The following ZEB1 variants were observed in gnomAD, a reference collection of about 807,000 sequenced individuals.
ZEB1 encodes the protein zinc finger E-box binding homeobox 1.
Under a neutral mutation model 84.9 loss-of-function variants are expected in ZEB1, and 21 were observed. The ratio of observed to expected loss-of-function variants is 0.25; its 90% CI spans 0.18 to 0.36. The LOEUF (loss-of-function observed/expected upper bound fraction) is 0.36, where lower values mean the gene tolerates loss of function less well. Ranked by LOEUF, ZEB1 falls within the 10% of genes least tolerant of loss-of-function variation. ZEB1 has a pLI of 1.00. For synonymous variants in ZEB1, 420 were observed against 471.1 expected (o/e 0.89, Z 1.41); for missense variants, 1,104 against 1,330.2 (o/e 0.83, Z 2.65).
At chr10:31,511,430 C>G (rs1244956941) in intron 5 of ZEB1, among the ~76,000 whole-genome samples, 1 of 151,980 alleles carries the variant, frequency 6.6e-6, no homozygotes, top group Non-Finnish European at 1.5e-5. Context: ...TATTCTACTT[C>G]TGTGTCACTG....
chr10:31,509,465 A>G lies in ZEB1; in HGVS notation c.485-1208A>G, dbSNP rs968984633. ...GTTGAATTCCAGTGTTCTCTCTTAG[A>G]TGATCTATGTGAAGTGTGATTATTA... On this transcript the variant is annotated intron_variant, in intron 4 of 8. Coordinates refer to ENST00000424869, the MANE Select transcript of ZEB1 (RefSeq NM_001174096.2). Among the ~76,000 whole-genome samples, 3 of 152,100 alleles carry G rather than the reference A, an allele frequency of 2.0e-5. No homozygotes were observed. The East Asian group carries it at 5.8e-4, about 29-fold the overall frequency.
rs189056094 is a variant in ZEB1, at chr10:31,388,587, G to A, written c.58+69295G>A. 3.0e-4 allele frequency among the ~76,000 whole-genome samples: 45 copies of A among 152,168 alleles called. 1 individual carries two copies. The highest frequency in any genetic ancestry group is 2.3e-3 in the Admixed American group (35 of 15,270). Reference sequence around the variant, plus strand: ...TTACTTTTTTTGTATGTAAATGGTCGAGGAGTTAGAACTAGTCTTGGTTAT... The same window carrying A: ...TTACTTTTTTTGTATGTAAATGGTCAAGGAGTTAGAACTAGTCTTGGTTAT... On this transcript the variant is annotated intron_variant, in intron 1 of 8. Transcript: ENST00000424869.
intron 1 of ZEB1, among the ~76,000 whole-genome samples, chr10:31,442,566 A>G (rs2059157609): frequency 7.1e-6 from 1 of 141,612 alleles, no homozygotes; most frequent in African/African-American, 3.1e-5. Flanking sequence ...AATAATAATA[A>G]TAAAAAAAAA....
chr10:31,477,999 A>G (rs1591701814), intron 2 of ZEB1, among the ~76,000 whole-genome samples: 1 of 152,178 alleles, frequency 6.6e-6, no homozygotes, highest in East Asian at 1.9e-4. Context: ...AACAAGAACA[A>G]AAGTACACAG....
At chr10:31,367,759 A>G (rs1425850341) in intron 1 of ZEB1, among the ~76,000 whole-genome samples, 7 of 152,170 alleles carry the variant, frequency 4.6e-5, no homozygotes, top group African/African-American at 9.7e-5. Flanking sequence ...TGAAGTATCA[A>G]TATGCTGACT....
At chr10:31,399,561 C>G (rs1214169045) in intron 1 of ZEB1, among the ~76,000 whole-genome samples, 1 of 152,162 alleles carries the variant, frequency 6.6e-6, no homozygotes, top group Non-Finnish European at 1.5e-5. Flanking sequence ...CAACCCTGAT[C>G]CAAATCACCT....
At position 31,528,652 on chromosome 10, in the gene ZEB1, A is replaced by G. The variant is rs903013536; in HGVS notation, c.*1388A>G. The stretch of plus-strand genomic sequence containing the variant: ...TTTTATATTTATGTGTCTTATTTTT[A>G]TATTTCTTTATTTATTACACAGTGT... On this transcript the variant is annotated 3_prime_UTR_variant, in exon 9 of 9. Coordinates refer to ENST00000424869, the MANE Select transcript of ZEB1 (RefSeq NM_001174096.2). 5 of 152,084 alleles carry G rather than the reference A, an allele frequency of 3.3e-5. No individual in the cohort carries two copies. The highest frequency in any genetic ancestry group is 7.4e-5 in the Non-Finnish European group (5 of 67,994). The allele number at this position is 152,084 out of a possible 1,614,324, so 9.4% of individuals were successfully genotyped here. A position where few individuals can be genotyped will look rare whatever the true frequency, so the allele number is the denominator to read the frequency against.
At chr10:31,484,312 T>TA (rs978841451) in intron 2 of ZEB1, among the ~76,000 whole-genome samples, 23 of 151,746 alleles carry the variant, frequency 1.5e-4, no homozygotes, top group African/African-American at 3.1e-4. Flanking sequence ...GACCACAATG[T>TA]AAAAAAAATC....
chr10:31,372,865 G>T (rs2045958298), intron 1 of ZEB1, among the ~76,000 whole-genome samples: 1 of 151,902 alleles, frequency 6.6e-6, no homozygotes, highest in East Asian at 1.9e-4. Context: ...AGAATTTTAT[G>T]GGATTCTTTT....
At chr10:31,387,163 G>A (rs1590701058) in intron 1 of ZEB1, 1 of 985,726 alleles carries the variant, frequency 1.0e-6, no homozygotes, top group Non-Finnish European at 1.2e-6. Flanking sequence ...ATATAAAGAG[G>A]TCCCTCCTGC....
At chr10:31,400,287 T>C (rs967744596) in intron 1 of ZEB1, among the ~76,000 whole-genome samples, 2 of 152,160 alleles carry the variant, frequency 1.3e-5, no homozygotes, top group African/African-American at 4.8e-5. Context: ...AATAAATAAG[T>C]GGAATTTAAA....
intron 1 of ZEB1, among the ~76,000 whole-genome samples, chr10:31,378,192 TG>T (rs1305263058): frequency 4.6e-5 from 7 of 151,642 alleles, no homozygotes; most frequent in Admixed American, 2.0e-4. Context: ...GGAGAGTATT[TG>T]TGATCTGCTC....
intron 1 of ZEB1, among the ~76,000 whole-genome samples, chr10:31,374,357 C>A (rs756209213): frequency 2.6e-5 from 4 of 151,770 alleles, no homozygotes; most frequent in Non-Finnish European, 5.9e-5. Flanking sequence ...ATTATGTAAT[C>A]ATTCCAATGT....
chr10:31,518,309 AG>A (rs1200564132), intron 6 of ZEB1, among the ~76,000 whole-genome samples: 1 of 152,168 alleles, frequency 6.6e-6, no homozygotes, highest in Non-Finnish European at 1.5e-5. Flanking sequence ...CATCCTGTGC[AG>A]AATGTTTGAA....
At chr10:31,321,113 C>T in intron 1 of ZEB1, 1 of 1,021,290 alleles carries the variant, frequency 9.8e-7, no homozygotes, top group Non-Finnish European at 1.2e-6. Context: ...CCCCCAGCCC[C>T]ACCCCCCGCG....
At chr10:31,516,043 A>G (rs2071040418) in intron 6 of ZEB1, among the ~76,000 whole-genome samples, 2 of 152,238 alleles carry the variant, frequency 1.3e-5, no homozygotes, top group South Asian at 4.1e-4. Flanking sequence ...AAGATTTATC[A>G]GATCTATAAA....
intron 2 of ZEB1, among the ~76,000 whole-genome samples, chr10:31,488,519 GT>G (rs57811340): frequency 0.058 from 8,264 of 143,126 alleles, 635 homozygotes; most frequent in East Asian, 0.18. Flanking sequence ...TTGTCTCACT[GT>G]TTTTTTTTTT....
chr10:31,328,918 A>G (rs1381770074), intron 1 of ZEB1, among the ~76,000 whole-genome samples: 1 of 152,090 alleles, frequency 6.6e-6, no homozygotes, highest in East Asian at 1.9e-4. Context: ...GAATGTATTT[A>G]AGAAGATGGC....
rs142039874 is a variant in ZEB1, at chr10:31,461,158, C to T, written c.180C>T (p.Asp60=). Residue 60 remains aspartate (D), a synonymous_variant, in exon 2 of 9, where the codon GAC becomes GAT. Transcript: ENST00000424869. ...ACTGTGAAGGTGTACCAGAGGATGA[C>T]CTGCCAACAGACCAGACAGTGTTAC... The part of the protein sequence containing the change: ...AADCEGVPED[D]LPTDQTVLPG... 7.3e-4 allele frequency: 1,180 copies of T among 1,613,294 alleles called. No homozygotes were observed. The highest frequency in any genetic ancestry group is 9.4e-4 in the Non-Finnish European group (1,114 of 1,179,694).
Sources: gnomAD v4.1 joint callset for allele counts (sites outside exome capture counted in the v4.1 genomes callset) on GRCh38, gnomAD v4.1.1 for gene constraint, MANE v1.5 for transcripts, NCBI Gene and HGNC (gene_info 2026-07-23, HGNC 2026-07-21) for gene names.